The following SHISA6 variants were observed in gnomAD, a reference collection of about 807,000 sequenced individuals.
The protein encoded by SHISA6 is shisa family member 6.
A neutral mutation model predicts 47.9 loss-of-function variants in SHISA6; 22 were observed. The observed-to-expected ratio is 0.46, with a 90% confidence interval of 0.33 to 0.66. The LOEUF is 0.66. SHISA6 is among the 30% of genes least tolerant of loss of function. The pLI, the probability that SHISA6 is intolerant of heterozygous loss-of-function variation, is 0.02. For missense variants in SHISA6, 680 were observed against 764.6 expected (o/e 0.89, Z 1.30); for synonymous variants, 388 against 337.8 (o/e 1.15, Z -1.63).
At chr17:11,414,511 T>C (rs1339671057) in intron 3 of SHISA6, among the ~76,000 whole-genome samples, 1 of 152,164 alleles carries the variant, frequency 6.6e-6, no homozygotes, top group Admixed American at 6.5e-5. Flanking sequence ...GAAATGTCAG[T>C]CATGGCAAAA....
chr17:11,379,763 G>A (rs577040408), intron 3 of SHISA6: 35 of 356,316 alleles, frequency 9.8e-5, no homozygotes, highest in Non-Finnish European at 5.6e-5. Flanking sequence ...AGATGCCGGC[G>A]GCTCCTTGTG....
chr17:11,254,497 G>A (rs1907935778), intron 1 of SHISA6, among the ~76,000 whole-genome samples: 2 of 152,150 alleles, frequency 1.3e-5, no homozygotes, highest in African/African-American at 4.8e-5. Context: ...TAGCATCTTC[G>A]ACTCATAGGA....
chr17:11,526,890 T>TATATAC (rs1245932519), intron 3 of SHISA6, among the ~76,000 whole-genome samples: 8 of 9,858 alleles, frequency 8.1e-4, no homozygotes, highest in African/African-American at 4.4e-3. Flanking sequence ...CATATATATA[T>TATATAC]ATATATATAT....
chr17:11,271,729 G>T (rs1908674639), intron 2 of SHISA6, among the ~76,000 whole-genome samples: 2 of 151,660 alleles, frequency 1.3e-5, no homozygotes, highest in African/African-American at 4.9e-5. Flanking sequence ...CAAAGTGCTG[G>T]GATTACAGGC....
At chr17:11,444,147 C>T (rs1042207481) in intron 3 of SHISA6, among the ~76,000 whole-genome samples, 12 of 152,108 alleles carry the variant, frequency 7.9e-5, no homozygotes, top group African/African-American at 2.9e-4. Flanking sequence ...GGTGAAACCC[C>T]ATCGCTACTA....
At position 11,488,516 on chromosome 17, in the gene SHISA6, G is replaced by A. The variant is rs1232282158; in HGVS notation, c.896-63380G>A. Among the ~76,000 whole-genome samples the A allele has an allele frequency of 4.6e-5, 7 of 152,172 alleles. No individual in the cohort carries two copies. In the East Asian group the frequency reaches 9.6e-4, roughly 21 times the overall value. Reference sequence around the variant, plus strand: ...TAAGCAGAAAAAACATTATTTTTTCGTGGAATTTATGGCCTCGTTTTACTA... The same window carrying A: ...TAAGCAGAAAAAACATTATTTTTTCATGGAATTTATGGCCTCGTTTTACTA... On this transcript the variant is annotated intron_variant, in intron 3 of 5. Coordinates refer to ENST00000441885, the MANE Select transcript of SHISA6 (RefSeq NM_207386.4).
At chr17:11,459,422 G>C (rs1239653962) in intron 3 of SHISA6, among the ~76,000 whole-genome samples, 2 of 152,060 alleles carry the variant, frequency 1.3e-5, no homozygotes, top group African/African-American at 4.8e-5. Flanking sequence ...GCATTTGTTG[G>C]CCTGCTAGAC....
intron 3 of SHISA6, among the ~76,000 whole-genome samples, chr17:11,471,470 A>G (rs909740872): frequency 5.9e-5 from 9 of 152,182 alleles, no homozygotes; most frequent in African/African-American, 9.7e-5. Flanking sequence ...GGAAGATATC[A>G]GCACGCTTAC....
chr17:11,276,793 T>C (rs954066804), intron 2 of SHISA6, among the ~76,000 whole-genome samples: 5 of 152,290 alleles, frequency 3.3e-5, no homozygotes, highest in South Asian at 2.1e-4. Context: ...TTGAACCATG[T>C]GAGAACAAGT....
intron 2 of SHISA6, among the ~76,000 whole-genome samples, chr17:11,273,377 G>A (rs1187931240): frequency 3.3e-5 from 5 of 152,196 alleles, no homozygotes; most frequent in African/African-American, 1.2e-4. Flanking sequence ...AGGGCTGTGG[G>A]GAGGACACCA....
chr17:11,275,897 T>C lies in SHISA6; in HGVS notation c.799+12371T>C, dbSNP rs751276694. 6.0e-4 allele frequency among the ~76,000 whole-genome samples: 91 copies of C among 152,266 alleles called. 2 individuals are homozygous for C. Among genetic ancestry groups the C allele is most frequent in the Non-Finnish European group, 2.6e-4 (18 of 68,016 alleles). On this transcript the variant is annotated intron_variant, in intron 2 of 5. Coordinates refer to ENST00000441885, the MANE Select transcript of SHISA6 (RefSeq NM_207386.4). ...ATGTCATGGGAGTTCTTGTAGGGCT[T>C]ATAGCGAGTAGAGATATGATCTGAC...
chr17:11,322,445 A>C (rs761886769), intron 2 of SHISA6, among the ~76,000 whole-genome samples: 9 of 152,166 alleles, frequency 5.9e-5, no homozygotes, highest in Admixed American at 2.0e-4. Context: ...TTTATCTGAA[A>C]ACATCTCTTT....
intron 2 of SHISA6, among the ~76,000 whole-genome samples, chr17:11,312,973 G>C (rs9915091): frequency 0.74 from 113,148 of 152,090 alleles, 42,249 homozygotes; most frequent in Middle Eastern, 0.78. Flanking sequence ...CAAAAACAAC[G>C]ATTTGATTTG....
intron 2 of SHISA6, among the ~76,000 whole-genome samples, chr17:11,283,989 T>A (rs562826250): frequency 6.6e-6 from 1 of 152,288 alleles, no homozygotes; most frequent in South Asian, 2.1e-4. Flanking sequence ...AAGTTTTCCT[T>A]GTTTGGAAAT....
In SHISA6 at chr17:11,559,725, A is replaced by G. The variant is rs899892138; in HGVS notation, c.*1421A>G. On this transcript the variant is annotated 3_prime_UTR_variant, in exon 6 of 6. Coordinates refer to ENST00000441885, the MANE Select transcript of SHISA6 (RefSeq NM_207386.4). This position sits in a 1 kb window ranked among gnomAD's most constrained non-coding sequence, Gnocchi z 4.4. ...GTGCAGGCACTGGGGTACCTGGTAG[A>G]CCATGGTCCTCAGCTCTGTTGGGGG... is the stretch of plus-strand genomic sequence containing the variant. 6.6e-6 allele frequency: 1 copy of G among 152,226 alleles called. No individual in the cohort carries two copies. The highest frequency in any genetic ancestry group is 1.9e-4 in the East Asian group (1 of 5,172). The allele number at this position is 152,226 out of a possible 1,614,324, so 9.4% of individuals were successfully genotyped here. A position where few individuals can be genotyped will look rare whatever the true frequency, so the allele number is the denominator to read the frequency against.
intron 2 of SHISA6, among the ~76,000 whole-genome samples, chr17:11,308,293 A>G (rs1910199245): frequency 6.6e-6 from 1 of 152,216 alleles, no homozygotes; most frequent in Non-Finnish European, 1.5e-5. Flanking sequence ...AGGCACAGCT[A>G]AAGAAGCAAA....
At chr17:11,342,844 C>T (rs966954770) in intron 2 of SHISA6, among the ~76,000 whole-genome samples, 1 of 152,292 alleles carries the variant, frequency 6.6e-6, no homozygotes, top group African/African-American at 2.4e-5. Context: ...CTGAGATATC[C>T]TTACCCACTT....
chr17:11,307,355 G>C (rs1387971163), intron 2 of SHISA6, among the ~76,000 whole-genome samples: 2 of 152,034 alleles, frequency 1.3e-5, no homozygotes, highest in African/African-American at 4.8e-5. Flanking sequence ...GGGGAGCTAG[G>C]TTTCTTCCAT....
intron 3 of SHISA6, among the ~76,000 whole-genome samples, chr17:11,393,796 G>A (rs1352717635): frequency 6.6e-6 from 1 of 152,060 alleles, no homozygotes; most frequent in Non-Finnish European, 1.5e-5. Flanking sequence ...TTAACACCCA[G>A]GCATCTTGCT....
Sources: gnomAD v4.1 joint callset for allele counts (sites outside exome capture counted in the v4.1 genomes callset) on GRCh38, gnomAD v4.1.1 for gene constraint, Gnocchi (gnomAD v3.1) non-coding constraint, MANE v1.5 for transcripts, NCBI Gene and HGNC (gene_info 2026-07-23, HGNC 2026-07-21) for gene names.